Variants in CNTNAP2 observed in about 807,000 individuals in gnomAD.
CNTNAP2 encodes the protein contactin associated protein 2.
In CNTNAP2, 98 loss-of-function variants were observed where a neutral mutation model predicts 155.2. The ratio of observed to expected loss-of-function variants is 0.63; its 90% confidence interval spans 0.54 to 0.75. The LOEUF (loss-of-function observed/expected upper bound fraction) is 0.75, where lower values mean the gene tolerates loss of function less well. Among genes scored for constraint, CNTNAP2 ranks in the 30% least tolerant of loss-of-function variants. The pLI is 0.00. For synonymous variants in CNTNAP2, 651 were observed against 631.2 expected (o/e 1.03, Z -0.47); for missense variants, 1,727 against 1,688.1 (o/e 1.02, Z -0.40).
In CNTNAP2 at chr7:147,291,866, T is replaced by C. The variant is rs1415833845; in HGVS notation, c.1349-8275T>C. Among the ~76,000 whole-genome samples, 3 of 152,168 alleles carry C rather than the reference T, an allele frequency of 2.0e-5. No individual in the cohort carries two copies. In the East Asian group the frequency reaches 5.8e-4, roughly 29 times the overall value. ...TGGTTTTGGTTTCCCTGATGACTAA[T>C]AATATAAAGCACTTTTTAATGTGCT... On this transcript the variant is annotated intron_variant, in intron 8 of 23. Coordinates refer to ENST00000361727, the MANE Select transcript of CNTNAP2 (RefSeq NM_014141.6).
intron 15 of CNTNAP2, among the ~76,000 whole-genome samples, chr7:148,095,028 A>G (rs1350205249): frequency 6.6e-6 from 1 of 152,252 alleles, no homozygotes; most frequent in African/African-American, 2.4e-5. Flanking sequence ...TAAAGTAGAA[A>G]GATGATGAGA....
intron 15 of CNTNAP2, among the ~76,000 whole-genome samples, chr7:148,044,403 G>C (rs1325636775): frequency 6.6e-6 from 1 of 152,166 alleles, no homozygotes; most frequent in Non-Finnish European, 1.5e-5. Flanking sequence ...TACACTGGCA[G>C]ATGGCCTTGT....
intron 12 of CNTNAP2, among the ~76,000 whole-genome samples, chr7:147,587,197 G>C (rs1233221255): frequency 2.6e-5 from 4 of 152,090 alleles, no homozygotes; most frequent in African/African-American, 9.7e-5. Flanking sequence ...CAGAATGCAG[G>C]GTCAGCACTT....
At chr7:148,139,081 C>T (rs1285840532) in intron 16 of CNTNAP2, among the ~76,000 whole-genome samples, 1 of 151,932 alleles carries the variant, frequency 6.6e-6, no homozygotes, top group African/African-American at 2.4e-5. Flanking sequence ...AGCTTAAAGG[C>T]CAAAATACAT....
At chr7:148,240,312 A>G (rs1287382067) in intron 20 of CNTNAP2, among the ~76,000 whole-genome samples, 1 of 152,180 alleles carries the variant, frequency 6.6e-6, no homozygotes, top group Non-Finnish European at 1.5e-5. Flanking sequence ...TCCAGTCACT[A>G]GGCATTTTGT....
chr7:146,350,747 C>T lies in CNTNAP2; in HGVS notation c.97+233774C>T, dbSNP rs1047335529. Among the ~76,000 whole-genome samples the T allele has an allele frequency of 1.8e-4, 27 of 152,046 alleles. 1 individual carries two copies. The highest frequency in any genetic ancestry group is 7.2e-4 in the Admixed American group (11 of 15,284). On this transcript the variant is annotated intron_variant, in intron 1 of 23. Coordinates refer to ENST00000361727, the MANE Select transcript of CNTNAP2 (RefSeq NM_014141.6). ...ATGCACACGTATGTTTATTGCGGCA[C>T]TATTCACAATAGCAAAGACTTGGAA...
At chr7:146,162,076 C>G (rs1470378673) in intron 1 of CNTNAP2, among the ~76,000 whole-genome samples, 1 of 152,162 alleles carries the variant, frequency 6.6e-6, no homozygotes, top group African/African-American at 2.4e-5. Flanking sequence ...AAAACCTAAG[C>G]AATACCATTC....
intron 1 of CNTNAP2, among the ~76,000 whole-genome samples, chr7:146,755,024 A>T (rs932034957): frequency 2.0e-5 from 3 of 151,932 alleles, no homozygotes; most frequent in African/African-American, 7.2e-5. Context: ...AGCCCAATTT[A>T]TAAGAGTAAG....
At chr7:146,998,913 G>A (rs1026528538) in intron 3 of CNTNAP2, among the ~76,000 whole-genome samples, 2 of 151,638 alleles carry the variant, frequency 1.3e-5, no homozygotes, top group African/African-American at 4.8e-5. Context: ...CTCTTGTAGT[G>A]CATTTCAACA....
intron 8 of CNTNAP2, among the ~76,000 whole-genome samples, chr7:147,211,017 GT>G (rs529043387): frequency 2.8e-4 from 39 of 141,528 alleles, no homozygotes; most frequent in South Asian, 6.7e-4. Flanking sequence ...CTTGGAGTAG[GT>G]TTTTTTTTTT....
chr7:146,381,163 A>G (rs1795381683), intron 1 of CNTNAP2, among the ~76,000 whole-genome samples: 1 of 152,094 alleles, frequency 6.6e-6, no homozygotes, highest in Admixed American at 6.5e-5. Flanking sequence ...TTGGCCCATG[A>G]GATATCAGCG....
At chr7:148,148,801 G>A (rs1805244110) in intron 17 of CNTNAP2, among the ~76,000 whole-genome samples, 1 of 152,174 alleles carries the variant, frequency 6.6e-6, no homozygotes, top group African/African-American at 2.4e-5. Flanking sequence ...ACAAAGGTGT[G>A]GGTCAATGAG....
At chr7:148,026,820 T>C (rs1802384814) in intron 15 of CNTNAP2, among the ~76,000 whole-genome samples, 1 of 152,092 alleles carries the variant, frequency 6.6e-6, no homozygotes, top group Non-Finnish European at 1.5e-5. Flanking sequence ...ACACTGCAAA[T>C]CAGTACCTGA....
intron 4 of CNTNAP2, among the ~76,000 whole-genome samples, chr7:147,053,460 C>T (rs1440279460): frequency 6.6e-6 from 1 of 151,974 alleles, no homozygotes; most frequent in Non-Finnish European, 1.5e-5. Context: ...TGGCAGCTAG[C>T]TTATATTTTG....
In CNTNAP2 at chr7:147,639,129, T is replaced by C. The variant is rs745562453; in HGVS notation, c.1921T>C (p.Ser641Pro). Residue 641 changes from serine (S) to proline (P), a missense_variant, in exon 13 of 24, where the codon TCT (serine) becomes CCT (proline). Transcript: ENST00000361727. ...MTEDKVWTIVSHDLQMQTPVV... is the reference protein window; with the variant it reads ...MTEDKVWTIVPHDLQMQTPVV... ...AGAGGACAAAGTGTGGACCATAGTG[T>C]CTCATGACTTGCAGATGCAGACGCC... 1.9e-6 allele frequency: 3 copies of C among 1,614,078 alleles called. No homozygotes were observed. In the South Asian group the frequency reaches 3.3e-5, roughly 18 times the overall value.
At chr7:146,689,318 A>G (rs562521748) in intron 1 of CNTNAP2, among the ~76,000 whole-genome samples, 1 of 152,180 alleles carries the variant, frequency 6.6e-6, no homozygotes, top group Admixed American at 6.6e-5. Context: ...CATAAAATGT[A>G]TTATGCATAT....
At chr7:146,684,658 A>AAAAAAAAAAAC in intron 1 of CNTNAP2, among the ~76,000 whole-genome samples, 1 of 151,276 alleles carries the variant, frequency 6.6e-6, no homozygotes, top group Non-Finnish European at 1.5e-5. Flanking sequence ...AAAAAAAAAA[A>AAAAAAAAAAAC]AGCTGGAGGA....
intron 12 of CNTNAP2, among the ~76,000 whole-genome samples, chr7:147,594,261 G>T (rs2116849059): frequency 6.6e-6 from 1 of 151,972 alleles, no homozygotes; most frequent in Non-Finnish European, 1.5e-5. Context: ...CAGTAGCTGG[G>T]ACCACAGGCG....
chr7:147,484,039 T>G (rs1307773304), intron 10 of CNTNAP2, among the ~76,000 whole-genome samples: 1 of 152,134 alleles, frequency 6.6e-6, no homozygotes, highest in African/African-American at 2.4e-5. Flanking sequence ...TATCATCCAC[T>G]TGTAACTCCT....
Sources: allele counts gnomAD v4.1 joint callset (sites outside exome capture counted in the v4.1 genomes callset), GRCh38; gene constraint gnomAD v4.1.1; transcripts MANE v1.5; gene names NCBI Gene and HGNC (gene_info 2026-07-23, HGNC 2026-07-21).